The following IL7 variants were observed in gnomAD, a reference collection of about 807,000 sequenced individuals.
The protein encoded by IL7 is interleukin 7, also known as interleukin-7.
IL7 carries 3 observed loss-of-function variants against 21.6 expected under a neutral mutation model. The observed-to-expected ratio is 0.14, with a 90% CI of 0.06 to 0.36. The LOEUF (loss-of-function observed/expected upper bound fraction) is 0.36. Ranked by LOEUF, IL7 falls within the 10% of genes least tolerant of loss-of-function variation. The pLI is 1.00. For synonymous variants in IL7, 62 were observed against 68.1 expected (o/e 0.91, Z 0.44); for missense variants, 175 against 200.2 (o/e 0.87, Z 0.76).
chr8:78,676,944 G>A (rs1296559577), intron 4 of IL7, among the ~76,000 whole-genome samples: 1 of 151,888 alleles, frequency 6.6e-6, no homozygotes, highest in Non-Finnish European at 1.5e-5. Flanking sequence ...AACTTAATAA[G>A]GAACATATGT....
chr8:78,698,067 C>T (rs1185547539), intron 3 of IL7, among the ~76,000 whole-genome samples: 2 of 152,126 alleles, frequency 1.3e-5, no homozygotes, highest in African/African-American at 4.8e-5. Context: ...CCCAGTACTT[C>T]CTTGATTCTT....
chr8:78,683,031 G>C (rs1809839985), intron 4 of IL7, among the ~76,000 whole-genome samples: 1 of 152,194 alleles, frequency 6.6e-6, no homozygotes, highest in Non-Finnish European at 1.5e-5. Context: ...TCAAAAGATG[G>C]GCTCCCATGG....
At chr8:78,720,977 A>C (rs1175718119) in intron 5 of IL7, 3 of 151,912 alleles carry the variant, frequency 2.0e-5, no homozygotes, top group Non-Finnish European at 4.4e-5. Flanking sequence ...AAGTGGTTAG[A>C]TCAACTACTG....
At position 78,692,445 on chromosome 8, in the gene IL7, G is replaced by A. The variant is rs1810241324; in HGVS notation, n.215-6498C>T. On this transcript the variant is annotated intron_variant and non_coding_transcript_variant, in intron 3 of 4. Coordinates refer to the IL7 transcript ENST00000523959. ...TTGACTTGACATTTTTGCTAAATAT[G>A]GATCATGTTTTCTCTTTCTTTGCTG... Among the ~76,000 whole-genome samples, 4 of 152,222 alleles carry A rather than the reference G, an allele frequency of 2.6e-5. No homozygotes were observed. In the South Asian group the frequency reaches 8.3e-4, roughly 32 times the overall value.
chr8:78,738,551 A>T lies in IL7; in HGVS notation c.313T>A (p.Leu105Ile). The change falls in exon 4 of 6, where the codon TTA (leucine) becomes ATA (isoleucine). Residue 105 changes from leucine to isoleucine, a missense_variant. Physicochemically the swap from Leu to Ile is conservative, Grantham distance 5 (BLOSUM62 2). Transcript: ENST00000263851. ...ATTGTTGTGCCTTCTGAAACTTTTA[A>T]TAAGTGGAGATCAAAATCACCAGTG... The part of the protein sequence containing the change: ...NSTGDFDLHL[L>I]KVSEGTTILL... 6.2e-7 allele frequency: 1 copy of T among 1,613,760 alleles called. No homozygotes were observed. Among genetic ancestry groups the T allele is most frequent in the Admixed American group, 1.7e-5 (1 of 60,022 alleles).
At chr8:78,715,846 C>G (rs1222336892), downstream of IL7, among the ~76,000 whole-genome samples, 1 of 151,724 alleles carries the variant, frequency 6.6e-6, no homozygotes, top group Non-Finnish European at 1.5e-5. Flanking sequence ...TTGAGACTAG[C>G]CTGGCCAACA....
At chr8:78,736,343 C>T (rs187542805) in intron 5 of IL7, 131 bp downstream of exon 5, 25 of 528,718 alleles carry the variant, frequency 4.7e-5, no homozygotes, top group African/African-American at 9.8e-5. Context: ...CCTCGCTTCT[C>T]CTTTTATCAA....
chr8:78,804,957 C>T lies in IL7; in HGVS notation c.-35G>A, dbSNP rs777696656. The T allele has an allele frequency of 6.2e-7, 1 of 1,608,312 alleles. No individual in the cohort carries two copies. Among genetic ancestry groups the T allele is most frequent in the Non-Finnish European group, 8.5e-7 (1 of 1,176,578 alleles). The stretch of plus-strand genomic sequence containing the variant: ...GAGGCGGGCGTAGTCATGATGACCG[C>T]AACTGGAGCAGGAGCAAGCTCTCAC... On this transcript the variant is annotated 5_prime_UTR_variant, in exon 1 of 6. Coordinates refer to ENST00000263851, the MANE Select transcript of IL7 (RefSeq NM_000880.4).
chr8:78,719,671 T>C (rs1340922568), intron 5 of IL7: 1 of 151,776 alleles, frequency 6.6e-6, no homozygotes, highest in Non-Finnish European at 1.5e-5. Context: ...ATGATTGTGG[T>C]GACTATTATT....
intron 2 of IL7, among the ~76,000 whole-genome samples, chr8:78,780,279 GGTTT>G (rs1813285028): frequency 6.6e-6 from 1 of 151,716 alleles, no homozygotes; most frequent in Non-Finnish European, 1.5e-5. Flanking sequence ...CTAGCTTTGT[GGTTT>G]GTTTGCCCTT....
chr8:78,762,469 C>A (rs1168335883), intron 2 of IL7: 7 of 1,536,332 alleles, frequency 4.6e-6, no homozygotes, highest in Middle Eastern at 4.6e-4. Flanking sequence ...CCTCCCCTCC[C>A]CGCCTCCTCA....
intron 3 of IL7, among the ~76,000 whole-genome samples, chr8:78,695,048 GA>G (rs1356433673): frequency 6.6e-6 from 1 of 152,080 alleles, no homozygotes; most frequent in African/African-American, 2.4e-5. Context: ...ATATAGCTCA[GA>G]AAGGAAGGAG....
chr8:78,797,344 T>A (rs1307171952), intron 2 of IL7, among the ~76,000 whole-genome samples: 1 of 151,986 alleles, frequency 6.6e-6, no homozygotes, highest in Non-Finnish European at 1.5e-5. Context: ...TATACATTTA[T>A]CAAAACCCAT....
At chr8:78,768,012 T>C (rs991335778) in intron 2 of IL7, among the ~76,000 whole-genome samples, 2 of 151,978 alleles carry the variant, frequency 1.3e-5, no homozygotes, top group East Asian at 3.9e-4. Context: ...TGAGTGAGAA[T>C]ATGCGGTGTT....
In IL7 at chr8:78,761,875, G is replaced by A. The variant is rs1812573042; in HGVS notation, c.148-21793C>T. The stretch of plus-strand genomic sequence containing the variant: ...CTGGGATTTCATCAGCCTCATGTCC[G>A]TCCAGAGGTATGTTTTGCCTTCCCA... On this transcript the variant is annotated intron_variant, in intron 2 of 5. Transcript: ENST00000263851. The A allele has an allele frequency of 3.7e-6, 6 of 1,611,626 alleles. No individual in the cohort carries two copies. The South Asian group carries it at 4.4e-5, about 12-fold the overall frequency.
chr8:78,785,630 T>C (rs1382889262), intron 2 of IL7, among the ~76,000 whole-genome samples: 2 of 152,234 alleles, frequency 1.3e-5, no homozygotes, highest in African/African-American at 4.8e-5. Context: ...AAAGTTTTTA[T>C]TCTGTTTCTT....
intron 2 of IL7, among the ~76,000 whole-genome samples, chr8:78,771,821 T>C (rs529574146): frequency 2.0e-5 from 3 of 152,252 alleles, no homozygotes; most frequent in South Asian, 2.1e-4. Flanking sequence ...CCCCCCTTTC[T>C]GTTGCAGCCA....
intron 2 of IL7, among the ~76,000 whole-genome samples, chr8:78,746,724 A>G (rs2130717572): frequency 6.6e-6 from 1 of 152,300 alleles, no homozygotes; most frequent in Non-Finnish European, 1.5e-5. Flanking sequence ...ATACCTGTGA[A>G]CCTAAGGTAA....
chr8:78,706,225 T>C lies in IL7; in HGVS notation n.214+15123A>G, dbSNP rs1399141389. Reference sequence around the variant, plus strand: ...GCTGGAATTCCAAGCCAGTGGGTCTTATCCTGTGAGGTGTTATGAAAGTGA... The same window carrying C: ...GCTGGAATTCCAAGCCAGTGGGTCTCATCCTGTGAGGTGTTATGAAAGTGA... On this transcript the variant is annotated intron_variant and non_coding_transcript_variant, in intron 3 of 4. Coordinates refer to the IL7 transcript ENST00000523959. 2.6e-5 allele frequency among the ~76,000 whole-genome samples: 4 copies of C among 152,180 alleles called. No individual in the cohort carries two copies. The South Asian group carries it at 8.3e-4, about 32-fold the overall frequency.
Sources: allele counts gnomAD v4.1 joint callset (sites outside exome capture counted in the v4.1 genomes callset), GRCh38; gene constraint gnomAD v4.1.1; transcripts MANE v1.5; gene names NCBI Gene and HGNC (gene_info 2026-07-23, HGNC 2026-07-21).